NXPE4: variants seen among roughly 807,000 people sequenced by gnomAD.
The protein encoded by NXPE4 is NXPE family member 4.
Under a neutral mutation model 33.3 loss-of-function variants are expected in NXPE4, and 42 were observed. That is an observed-to-expected ratio of 1.26 (90% CI 0.98 to 1.63). The LOEUF (loss-of-function observed/expected upper bound fraction) is 1.63. NXPE4 is among the 40% of genes most tolerant of loss of function. NXPE4 has a pLI of 0.00. For missense variants in NXPE4, 709 were observed against 647.6 expected, an observed-to-expected ratio of 1.09 and a Z score of -1.03; for synonymous variants, 253 against 234.9, an observed-to-expected ratio of 1.08 and a Z score of -0.71.
chr11:114,573,956 T>C (rs1033757622), intron 5 of NXPE4, among the ~76,000 whole-genome samples: 2 of 152,100 alleles, frequency 1.3e-5, no homozygotes, highest in Admixed American at 6.6e-5. Context: ...GAGCATATGA[T>C]AGGCCACAAA....
chr11:114,614,084 A>T, the NXPE4 span, among the ~76,000 whole-genome samples: 1 of 150,570 alleles, frequency 6.6e-6, no homozygotes, highest in South Asian at 2.1e-4. Flanking sequence ...AACCACTGAT[A>T]CCTGGTTTAT....
At chr11:114,637,846 T>C in the NXPE4 span, among the ~76,000 whole-genome samples, 6 of 152,092 alleles carry the variant, frequency 3.9e-5, no homozygotes, top group African/African-American at 1.4e-4. Flanking sequence ...GTTAGTCTGA[T>C]GGGCTTCCCT....
the NXPE4 span, among the ~76,000 whole-genome samples, chr11:114,640,799 A>C: frequency 6.6e-6 from 1 of 151,914 alleles, no homozygotes; most frequent in Non-Finnish European, 1.5e-5. Context: ...TTATAATAGA[A>C]CTATTTATTT....
the NXPE4 span, among the ~76,000 whole-genome samples, chr11:114,614,627 T>C: frequency 6.6e-6 from 1 of 151,530 alleles, no homozygotes; most frequent in Non-Finnish European, 1.5e-5. Context: ...TGTTACCTGG[T>C]GGATTATAAG....
chr11:114,668,366 T>C, the NXPE4 span, among the ~76,000 whole-genome samples: 4 of 151,842 alleles, frequency 2.6e-5, no homozygotes, highest in African/African-American at 9.7e-5. Context: ...AGTTCTCAAC[T>C]GCACAAACTA....
the NXPE4 span, among the ~76,000 whole-genome samples, chr11:114,648,428 C>CTT: frequency 3.9e-5 from 6 of 152,274 alleles, no homozygotes; most frequent in South Asian, 6.2e-4. Flanking sequence ...GAGGGTCAGA[C>CTT]TTTTGTTCTA....
chr11:114,606,106 G>A, the NXPE4 span, among the ~76,000 whole-genome samples: 1 of 151,786 alleles, frequency 6.6e-6, no homozygotes, highest in African/African-American at 2.4e-5. Flanking sequence ...GGTAGCCACT[G>A]TTATCTGGTG....
At chr11:114,643,782 T>C in the NXPE4 span, among the ~76,000 whole-genome samples, 1 of 152,090 alleles carries the variant, frequency 6.6e-6, no homozygotes, top group Non-Finnish European at 1.5e-5. Flanking sequence ...TAGTTTTTTT[T>C]TTAATAATTC....
the NXPE4 span, among the ~76,000 whole-genome samples, chr11:114,637,295 T>C: frequency 4.6e-5 from 7 of 151,780 alleles, no homozygotes; most frequent in Admixed American, 1.3e-4. Flanking sequence ...TCCCTGCATT[T>C]TTTTGTTTTC....
At chr11:114,649,586 A>T in the NXPE4 span, among the ~76,000 whole-genome samples, 4 of 152,314 alleles carry the variant, frequency 2.6e-5, no homozygotes, top group African/African-American at 9.6e-5. Context: ...TAGGTAAAAA[A>T]CATCTTGAGA....
chr11:114,639,736 A>AT, the NXPE4 span, among the ~76,000 whole-genome samples: 25 of 102,130 alleles, frequency 2.4e-4, 2 homozygotes, highest in African/African-American at 7.1e-4. Flanking sequence ...ATATAATATA[A>AT]AATAATATAT....
chr11:114,629,944 C>T, the NXPE4 span, among the ~76,000 whole-genome samples: 1 of 149,846 alleles, frequency 6.7e-6, no homozygotes, highest in East Asian at 1.9e-4. Flanking sequence ...TAATAAAATA[C>T]CTAGGAATCC....
At chr11:114,663,638 A>ATCTATCTATCATCTC in the NXPE4 span, among the ~76,000 whole-genome samples, 1 of 7,772 alleles carries the variant, frequency 1.3e-4, no homozygotes, top group Admixed American at 2.4e-3. Flanking sequence ...TCTATCTATC[A>ATCTATCTATCATCTC]TCTATCCATC....
intron 5 of NXPE4, among the ~76,000 whole-genome samples, chr11:114,575,424 T>A (rs889483909): frequency 6.6e-5 from 10 of 152,178 alleles, no homozygotes; most frequent in African/African-American, 2.4e-4. Context: ...CATGATATGA[T>A]AGTATACCTA....
At chr11:114,662,856 G>A in the NXPE4 span, among the ~76,000 whole-genome samples, 8 of 152,162 alleles carry the variant, frequency 5.3e-5, no homozygotes, top group Non-Finnish European at 7.4e-5. Flanking sequence ...GTTATCACCT[G>A]CTATCTGCAG....
chr11:114,583,618 G>A (rs1949208575), intron 2 of NXPE4: 1 of 593,206 alleles, frequency 1.7e-6, no homozygotes. Context: ...CAAGTGCTGT[G>A]AAACTTAATG....
chr11:114,661,846 A>G, the NXPE4 span, among the ~76,000 whole-genome samples: 1 of 152,342 alleles, frequency 6.6e-6, no homozygotes, highest in South Asian at 2.1e-4. Flanking sequence ...CAGAAAAAAA[A>G]TTAAGATTCT....
intron 2 of NXPE4, 126 bp from the exon 3 acceptor site, chr11:114,583,147 A>G: frequency 9.4e-7 from 1 of 1,062,342 alleles, no homozygotes; most frequent in Non-Finnish European, 1.4e-6. Flanking sequence ...TGTGATTTTG[A>G]ATATTGATTT....
the NXPE4 span, among the ~76,000 whole-genome samples, chr11:114,603,807 G>A: frequency 2.2e-4 from 34 of 151,270 alleles, no homozygotes; most frequent in African/African-American, 6.8e-4. Context: ...GTATTGCCTC[G>A]TCTCCTAGGT....
Sources: allele counts gnomAD v4.1 joint callset (sites outside exome capture counted in the v4.1 genomes callset), GRCh38; gene constraint gnomAD v4.1.1; transcripts MANE v1.5; gene names NCBI Gene and HGNC (gene_info 2026-07-23, HGNC 2026-07-21).